Variants in CDAN1 observed in about 807,000 individuals in gnomAD.
CDAN1 encodes codanin-1.
A neutral mutation model predicts 139.8 loss-of-function variants in CDAN1; 107 were observed. The ratio of observed to expected loss-of-function variants is 0.77; its 90% CI spans 0.65 to 0.90. The LOEUF is 0.90. Among genes scored for constraint, CDAN1 ranks in the 40% least tolerant of loss-of-function variants. The probability of loss-of-function intolerance (pLI) is 0.00; values close to 1 mark genes in which losing one functional copy is unlikely to be tolerated. For synonymous variants in CDAN1, 776 were observed against 660.6 expected (o/e 1.17, Z -2.68); for missense variants, 1,667 against 1,575.7 (o/e 1.06, Z -0.98).
chr15:42,730,582 G>C lies in CDAN1; in HGVS notation c.2174+16C>G, dbSNP rs370191850. ...TCCCGAATCCTTTCATCAAGCCTCA[G>C]CCTTGTTCCACTCACCGGTGCAGGC... On this transcript the variant is annotated intron_variant, in intron 14 of 27. Coordinates refer to ENST00000356231, the MANE Select transcript of CDAN1 (RefSeq NM_138477.4). 135 of 1,613,814 alleles carry C rather than the reference G, an allele frequency of 8.4e-5. No individual in the cohort carries two copies. The highest frequency in any genetic ancestry group is 1.1e-4 in the Non-Finnish European group (131 of 1,179,818).
rs2140456645 is a variant in CDAN1 at position 42,725,143 on chromosome 15, C to T, written c.3558+1G>A. The stretch of plus-strand genomic sequence containing the variant: ...CACCTAAAAGACAGGAGACTCCTTA[C>T]CCCTGGCCACTGGGCCTGGTGGAGG... On this transcript the variant is annotated splice_donor_variant, in intron 27 of 27. Transcript: ENST00000356231. LOFTEE classifies it high-confidence loss of function. The T allele has an allele frequency of 6.2e-7, 1 of 1,611,226 alleles. No individual in the cohort carries two copies. The highest frequency in any genetic ancestry group is 8.5e-7 in the Non-Finnish European group (1 of 1,177,366).
intron 8 of CDAN1, among the ~76,000 whole-genome samples, chr15:42,733,614 G>A (rs1488935148): frequency 6.6e-6 from 1 of 152,162 alleles, no homozygotes; most frequent in African/African-American, 2.4e-5. Context: ...TTCTCTATAT[G>A]ATGACAGTAG....
Position 42,731,054 on chromosome 15 carries a change from A to G in CDAN1, c.1878T>C (p.Phe626=). The change falls in exon 13 of 28, where the codon TTT becomes TTC. Residue 626 remains phenylalanine, a synonymous_variant. Coordinates refer to ENST00000356231, the MANE Select transcript of CDAN1 (RefSeq NM_138477.4). Reference sequence around the variant, plus strand: ...GTCTCAGGCTAAGAAGCACCACAGCAAATTGCTTCCGCTCACCCTGCATGG... The same window carrying G: ...GTCTCAGGCTAAGAAGCACCACAGCGAATTGCTTCCGCTCACCCTGCATGG... ...DVDWQGERKQ[F]AVVLLSLRLL... is the part of the protein sequence containing the mutation. The G allele has an allele frequency of 6.2e-7, 1 of 1,614,230 alleles. No homozygotes were observed. Among genetic ancestry groups the G allele is most frequent in the Non-Finnish European group, 8.5e-7 (1 of 1,180,038 alleles).
In CDAN1 at chr15:42,735,888, G is replaced by C; in HGVS notation, c.760C>G (p.Leu254Val). 3.1e-6 allele frequency: 5 copies of C among 1,614,132 alleles called. No homozygotes were observed. Among genetic ancestry groups the C allele is most frequent in the Non-Finnish European group, 4.2e-6 (5 of 1,180,014 alleles). ...CRSLQEEREM[L>V]RKERSKQLQQ... ...GCCAGGCCATACCGCTCCTTCCTGA[G>C]CATCTCTCGCTCCTCTTGCAGACTT... The change falls in exon 3 of 28, where the codon CTC becomes GTC. Residue 254 changes from leucine (L) to valine (V), a missense_variant. Physicochemically the swap from Leu to Val is conservative, Grantham distance 32. Transcript: ENST00000356231.
chr15:42,725,182 C>T lies in CDAN1; in HGVS notation c.3520G>A (p.Ala1174Thr). ...GCCTGGTGGAGGCTGCCCAGGCAGG[C>T]CTCTATCTCCATCCGTCCCATCAGA... ...KGLMGRMEIE[A>T]CLGSLHQAQW... The change falls in exon 27 of 28, where the codon GCC becomes ACC. Residue 1174 changes from alanine (A) to threonine (T), a missense_variant. This residue lies in a region of CDAN1 where 936 missense variants were observed against 844.1 expected (regional missense o/e 1.11). Coordinates refer to ENST00000356231, the MANE Select transcript of CDAN1 (RefSeq NM_138477.4). The T allele has an allele frequency of 1.9e-6, 3 of 1,614,198 alleles. No homozygotes were observed. Among genetic ancestry groups the T allele is most frequent in the Non-Finnish European group, 2.5e-6 (3 of 1,180,024 alleles).
rs1474400715 is a variant in CDAN1 at position 42,735,896 on chromosome 15, C to T, written c.752G>A (p.Arg251Gln). 6.2e-7 allele frequency: 1 copy of T among 1,614,188 alleles called. No individual in the cohort carries two copies. Among genetic ancestry groups the T allele is most frequent in the South Asian group, 1.1e-5 (1 of 91,084 alleles). Residue 251 changes from arginine to glutamine, a missense_variant, in exon 3 of 28, where the codon CGA (arginine) becomes CAA (glutamine). This residue lies in a region of CDAN1 where 487 missense variants were observed against 422.2 expected (regional missense o/e 1.15). Coordinates refer to ENST00000356231, the MANE Select transcript of CDAN1 (RefSeq NM_138477.4). ...PPGCRSLQEE[R>Q]EMLRKERSKQ... ...ATACCGCTCCTTCCTGAGCATCTCT[C>T]GCTCCTCTTGCAGACTTCTGCACCC...
rs991238587 is a variant in CDAN1, at chr15:42,730,428, G to T, written c.2174+170C>A. ...GCATGAGGCCAATGAAAGTGCAGATGATTTCCCACTGTACCTCAGGGGAGC... is the reference window on the plus strand; with the variant it reads ...GCATGAGGCCAATGAAAGTGCAGATTATTTCCCACTGTACCTCAGGGGAGC... On this transcript the variant is annotated intron_variant, in intron 14 of 27. Transcript: ENST00000356231. Among the ~76,000 whole-genome samples, 3 of 152,240 alleles carry T rather than the reference G, an allele frequency of 2.0e-5. No homozygotes were observed. The East Asian group carries it at 5.8e-4, about 29-fold the overall frequency.
rs755832662 is a variant in CDAN1, at chr15:42,730,134, A to G, written c.2256T>C (p.Leu752=). Residue 752 remains leucine (L), a synonymous_variant, in exon 15 of 28, where the codon CTT becomes CTC. Coordinates refer to ENST00000356231, the MANE Select transcript of CDAN1 (RefSeq NM_138477.4). ...GGACCCTCACTCTGCCCACCTGGAA[A>G]AGCCAGCCCAGGACAGCAAGTAGCA... The part of the protein sequence containing the change: ...KLLLLAVLGW[L]FQIPTVPEDL... 3 of 1,613,958 alleles carry G rather than the reference A, an allele frequency of 1.9e-6. No individual in the cohort carries two copies. Among genetic ancestry groups the G allele is most frequent in the African/African-American group, 1.3e-5 (1 of 74,910 alleles).
In CDAN1 at chr15:42,729,024, T is replaced by TA; in HGVS notation, c.2643_2644insT (p.Lys882Ter). 1 of 1,612,718 alleles carries TA rather than the reference T, an allele frequency of 6.2e-7. No homozygotes were observed. The highest frequency in any genetic ancestry group is 8.5e-7 in the Non-Finnish European group (1 of 1,178,664). On this transcript the variant is annotated frameshift_variant and splice_region_variant, in exon 19 of 28. Coordinates refer to ENST00000356231, the MANE Select transcript of CDAN1 (RefSeq NM_138477.4). LOFTEE classifies it high-confidence loss of function. ...CCAGGATCCTTAACCCACTCTTACT[T>TA]GATATGTTTGACACAGTTTGATCCA...
chr15:42,734,050 A>T lies in CDAN1; in HGVS notation c.1258-3T>A. On this transcript the variant is annotated splice_polypyrimidine_tract_variant and splice_region_variant and intron_variant, in intron 7 of 27. Transcript: ENST00000356231. ...GAGGGAGGCATCACCAGAGAGACCT[A>T]AAATACAGCAGGAACGTTAGGAACT... The T allele has an allele frequency of 6.2e-7, 1 of 1,610,572 alleles. No individual in the cohort carries two copies. Among genetic ancestry groups the T allele is most frequent in the Non-Finnish European group, 8.5e-7 (1 of 1,176,684 alleles).
intron 3 of CDAN1, 89 bp from the exon 4 acceptor site, chr15:42,735,768 C>A (rs949846258): frequency 2.5e-6 from 4 of 1,585,366 alleles, no homozygotes; most frequent in Middle Eastern, 1.7e-4. Context: ...ACCAACAGCC[C>A]AGGAGACAAA....
rs1566982889 is a variant in CDAN1 at position 42,729,618 on chromosome 15, T to TTGTCCTGGGGAGAA, written c.2353-10_2356dup (p.Asn786IlefsTer44). 6.2e-7 allele frequency: 1 copy of TTGTCCTGGGGAGAA among 1,613,840 alleles called. No individual in the cohort carries two copies. ...CAGCTGCTGGTCCACCACAGGCGCA[T>TTGTCCTGGGGAGAA]TGTCCTGGGGAGAAAAGGTTGGTGT... On this transcript the variant is annotated frameshift_variant, in exon 17 of 28. Coordinates refer to ENST00000356231, the MANE Select transcript of CDAN1 (RefSeq NM_138477.4). LOFTEE classifies it high-confidence loss of function.
chr15:42,728,107 G>T, intron 21 of CDAN1, 74 bp from the exon 22 acceptor site: 1 of 1,582,696 alleles, frequency 6.3e-7, no homozygotes, highest in Non-Finnish European at 8.7e-7. Context: ...GTCGAGCACT[G>T]ACCCCGCCCC....
chr15:42,729,245 G>A lies in CDAN1; in HGVS notation c.2525C>T (p.Thr842Ile), dbSNP rs1471350916. The A allele has an allele frequency of 1.2e-6, 2 of 1,613,904 alleles. No homozygotes were observed. Among genetic ancestry groups the A allele is most frequent in the South Asian group, 2.2e-5 (2 of 91,074 alleles). Residue 842 changes from threonine to isoleucine, a missense_variant, in exon 18 of 28, where the codon ACC (threonine) becomes ATC (isoleucine). Thr to Ile is a moderately conservative substitution (Grantham distance 89, BLOSUM62 -1). Around this residue, in one of 3 missense-constraint regions of CDAN1, gnomAD observed 936 missense variants for 844.1 expected, o/e 1.11. Coordinates refer to ENST00000356231, the MANE Select transcript of CDAN1 (RefSeq NM_138477.4). The part of the protein sequence containing the change: ...TTSLGAQPSQ[T>I]SQGLQAQLAQ... ...TGCCCTTACCTGCAGCCCCTGGCTG[G>A]TCTGGGAAGGCTGGGCTCCCAGGCT...
At chr15:42,730,491 C>G in intron 14 of CDAN1, 107 bp downstream of exon 14, 1 of 1,317,782 alleles carries the variant, frequency 7.6e-7, no homozygotes, top group Admixed American at 1.9e-5. Context: ...ATGGCCAGGG[C>G]CCCACACGCA....
chr15:42,735,844 ACCGATAT>A, intron 3 of CDAN1, 24 bp downstream of exon 3: 1 of 1,612,344 alleles, frequency 6.2e-7, no homozygotes, highest in Non-Finnish European at 8.5e-7. Flanking sequence ...CAGCGAGGAA[ACCGATAT>A]CCCCAGGAGC....
rs1039455419 is a variant in CDAN1 at position 42,728,196 on chromosome 15, A to C, written c.2868+8T>G. ...GGCCTGCTAGCTGCAGGCCTCCCTC[A>C]CACGTACGGCTGCCGGGGTCTCCTC... is the stretch of plus-strand genomic sequence containing the variant. On this transcript the variant is annotated splice_region_variant and intron_variant, in intron 21 of 27. Coordinates refer to ENST00000356231, the MANE Select transcript of CDAN1 (RefSeq NM_138477.4). 1 of 1,613,068 alleles carries C rather than the reference A, an allele frequency of 6.2e-7. No homozygotes were observed. The highest frequency in any genetic ancestry group is 1.7e-5 in the Admixed American group (1 of 60,010).
intron 25 of CDAN1, 60 bp from the exon 26 acceptor site, chr15:42,725,730 C>T: frequency 6.4e-7 from 1 of 1,554,172 alleles, no homozygotes; most frequent in Non-Finnish European, 8.8e-7. Flanking sequence ...CGGTGACTCA[C>T]ACCTATAATC....
intron 23 of CDAN1, 80 bp downstream of exon 23, chr15:42,727,541 C>T: frequency 7.6e-7 from 1 of 1,311,026 alleles, no homozygotes; most frequent in African/African-American, 1.5e-5. Flanking sequence ...AATCCTGGAG[C>T]TGATGTGAGA....
Sources: allele counts gnomAD v4.1 joint callset (sites outside exome capture counted in the v4.1 genomes callset), GRCh38; gene constraint gnomAD v4.1.1; regional missense constraint gnomAD v4.1.1; transcripts MANE v1.5; gene names NCBI Gene and HGNC (gene_info 2026-07-23, HGNC 2026-07-21).